CCDC60: variants seen among roughly 807,000 people sequenced by gnomAD.
CCDC60 encodes coiled-coil domain-containing protein 60.
Under a neutral mutation model 63.5 loss-of-function variants are expected in CCDC60, and 54 were observed. The observed-to-expected ratio is 0.85, with a 90% CI of 0.68 to 1.07. The LOEUF (loss-of-function observed/expected upper bound fraction) is 1.07, where lower values mean the gene tolerates loss of function less well. Among genes scored for constraint, CCDC60 ranks in the 50% least tolerant of loss-of-function variants. CCDC60 has a pLI of 0.00. For missense variants in CCDC60, 651 were observed against 684.3 expected, an observed-to-expected ratio of 0.95 and a Z score of 0.54; for synonymous variants, 206 against 238.8, an observed-to-expected ratio of 0.86 and a Z score of 1.27.
intron 5 of CCDC60, among the ~76,000 whole-genome samples, chr12:119,489,688 T>C (rs1049424359): frequency 6.6e-6 from 1 of 152,152 alleles, no homozygotes; most frequent in African/African-American, 2.4e-5. Context: ...AGTTTTTCAC[T>C]GTGAAAATCA....
At chr12:119,418,841 C>T (rs1260424520) in intron 1 of CCDC60, among the ~76,000 whole-genome samples, 3 of 152,168 alleles carry the variant, frequency 2.0e-5, no homozygotes, top group East Asian at 3.8e-4. Flanking sequence ...CCTTGGTGTC[C>T]TAGAGAAACA....
At chr12:119,506,662 A>G (rs759906406) in intron 7 of CCDC60, among the ~76,000 whole-genome samples, 1 of 151,996 alleles carries the variant, frequency 6.6e-6, no homozygotes, top group Non-Finnish European at 1.5e-5. Context: ...AAGGGAAGGA[A>G]AATAGGAAAA....
In CCDC60 at chr12:119,504,461, C is replaced by T. The variant is rs142567592; in HGVS notation, c.649-608C>T. Among the ~76,000 whole-genome samples the T allele has an allele frequency of 1.9e-3, 291 of 152,320 alleles. 1 individual carries two copies. Among genetic ancestry groups the T allele is most frequent in the African/African-American group, 6.8e-3 (281 of 41,558 alleles). On this transcript the variant is annotated intron_variant, in intron 6 of 13. Coordinates refer to ENST00000327554, the MANE Select transcript of CCDC60 (RefSeq NM_178499.5). Reference sequence around the variant, plus strand: ...TCCAATTCTCCTAGCCCACTACAACCGTGGCTCCTCCCCCAAGAATGCCAC... The same window carrying T: ...TCCAATTCTCCTAGCCCACTACAACTGTGGCTCCTCCCCCAAGAATGCCAC...
chr12:119,396,716 CA>C (rs1412081977), intron 1 of CCDC60, among the ~76,000 whole-genome samples: 1 of 152,022 alleles, frequency 6.6e-6, no homozygotes, highest in Admixed American at 6.5e-5. Context: ...CCAGTCTCTA[CA>C]AAAAAATTTA....
At chr12:119,504,934 A>G (rs1211536444) in intron 6 of CCDC60, 135 bp from the exon 7 acceptor site, 3 of 620,502 alleles carry the variant, frequency 4.8e-6, no homozygotes, top group East Asian at 5.5e-5. Flanking sequence ...AAAGAGCCAG[A>G]AGGAATTCAC....
At chr12:119,400,250 C>T (rs1956367489) in intron 1 of CCDC60, among the ~76,000 whole-genome samples, 2 of 152,226 alleles carry the variant, frequency 1.3e-5, no homozygotes, top group Non-Finnish European at 1.5e-5. Context: ...GGGGTTTCAC[C>T]GTATTAGCCA....
chr12:119,442,114 A>G (rs1593093382), intron 2 of CCDC60, among the ~76,000 whole-genome samples: 1 of 152,334 alleles, frequency 6.6e-6, no homozygotes, highest in East Asian at 1.9e-4. Context: ...TGGCAGCTCA[A>G]CTTGCAACAA....
chr12:119,382,509 G>A (rs1450868005), intron 1 of CCDC60, among the ~76,000 whole-genome samples: 6 of 152,238 alleles, frequency 3.9e-5, no homozygotes, highest in Non-Finnish European at 7.3e-5. Context: ...AGGGGGAAGA[G>A]CATCTGTGAA....
chr12:119,372,971 C>T (rs144047433), intron 1 of CCDC60, among the ~76,000 whole-genome samples: 1 of 152,106 alleles, frequency 6.6e-6, no homozygotes, highest in African/African-American at 2.4e-5. Context: ...TTTTGTTTAA[C>T]GTTACTGTAA....
intron 1 of CCDC60, among the ~76,000 whole-genome samples, chr12:119,403,452 G>A (rs1956430890): frequency 6.6e-6 from 1 of 152,120 alleles, no homozygotes; most frequent in African/African-American, 2.4e-5. Flanking sequence ...ATAACGTCGA[G>A]CTTTAATCAC....
At chr12:119,482,009 A>ATATATATGTATATATATATGTATATATAG (rs774808817) in intron 4 of CCDC60, among the ~76,000 whole-genome samples, 4,385 of 40,596 alleles carry the variant, frequency 0.11, 350 homozygotes, top group African/African-American at 0.22. Flanking sequence ...TATATATAGT[A>ATATATATGTATATATATATGTATATATAG]TATATATATG....
intron 2 of CCDC60, among the ~76,000 whole-genome samples, chr12:119,445,100 C>A (rs1348856125): frequency 6.6e-6 from 1 of 152,182 alleles, no homozygotes; most frequent in Non-Finnish European, 1.5e-5. Flanking sequence ...CGAACTTTAT[C>A]TTCCCTAAAT....
intron 2 of CCDC60, chr12:119,429,859 T>G (rs986589466): frequency 1.1e-4 from 17 of 152,178 alleles, no homozygotes; most frequent in Non-Finnish European, 1.3e-4. Flanking sequence ...TTGAGCCTTG[T>G]GTGTAATTTT....
chr12:119,527,805 T>G (rs1426830698), intron 11 of CCDC60, among the ~76,000 whole-genome samples: 1 of 151,088 alleles, frequency 6.6e-6, no homozygotes, highest in Non-Finnish European at 1.5e-5. Context: ...GTCTCCCGAG[T>G]AGCTGGGACT....
At chr12:119,360,971 CAAAAA>C (rs1474173438) in intron 1 of CCDC60, among the ~76,000 whole-genome samples, 14 of 151,972 alleles carry the variant, frequency 9.2e-5, no homozygotes, top group African/African-American at 3.4e-4. Flanking sequence ...CCGTCTCCAC[CAAAAA>C]AATACGAAAA....
chr12:119,400,047 CTT>C (rs550702095), intron 1 of CCDC60, among the ~76,000 whole-genome samples: 12 of 131,778 alleles, frequency 9.1e-5, no homozygotes, highest in Non-Finnish European at 1.3e-4. Context: ...GGTTGGTTTC[CTT>C]TTTTTTTTTT....
At chr12:119,483,852 T>G (rs1229921516) in intron 4 of CCDC60, among the ~76,000 whole-genome samples, 1 of 152,128 alleles carries the variant, frequency 6.6e-6, no homozygotes, top group Admixed American at 6.5e-5. Context: ...TCTTCTAATT[T>G]GATAAAATCC....
At chr12:119,349,914 T>C (rs1315378566) in intron 1 of CCDC60, among the ~76,000 whole-genome samples, 1 of 152,208 alleles carries the variant, frequency 6.6e-6, no homozygotes, top group Non-Finnish European at 1.5e-5. Context: ...ATAAAAATGG[T>C]GTACCCAGTG....
chr12:119,426,848 A>G lies in CCDC60; in HGVS notation c.91-1835A>G, dbSNP rs11833999. Among the ~76,000 whole-genome samples the G allele has an allele frequency of 9.1e-3, 1,377 of 151,808 alleles. 23 individuals are homozygous for G. Among genetic ancestry groups the G allele is most frequent in the African/African-American group, 0.031 (1,288 of 41,360 alleles). On this transcript the variant is annotated intron_variant, in intron 1 of 13. Coordinates refer to ENST00000327554, the MANE Select transcript of CCDC60 (RefSeq NM_178499.5). Reference sequence around the variant, plus strand: ...CATCTCCCACTCTGCCTCCCACCCAACTCTTCCACAAGCATCATTCAACTT... The same window carrying G: ...CATCTCCCACTCTGCCTCCCACCCAGCTCTTCCACAAGCATCATTCAACTT...
Sources: gnomAD v4.1 joint callset for allele counts (sites outside exome capture counted in the v4.1 genomes callset) on GRCh38, gnomAD v4.1.1 for gene constraint, MANE v1.5 for transcripts, NCBI Gene and HGNC (gene_info 2026-07-23, HGNC 2026-07-21) for gene names.